SHTN1: variants seen among roughly 807,000 people sequenced by gnomAD.
SHTN1 encodes shootin-1.
Under a neutral mutation model 83.1 loss-of-function variants are expected in SHTN1, and 42 were observed. The observed-to-expected ratio is 0.51, with a 90% CI of 0.39 to 0.65. The LOEUF is 0.65. Among genes scored for constraint, SHTN1 ranks in the 30% least tolerant of loss-of-function variants. The probability of loss-of-function intolerance (pLI) is 0.00; values close to 1 mark genes in which losing one functional copy is unlikely to be tolerated. For synonymous variants in SHTN1, 224 were observed against 247.7 expected (o/e 0.90, Z 0.90); for missense variants, 622 against 737.8 (o/e 0.84, Z 1.82).
At chr10:116,893,229 G>A (rs895596941) in intron 16 of SHTN1, among the ~76,000 whole-genome samples, 4 of 152,066 alleles carry the variant, frequency 2.6e-5, no homozygotes, top group South Asian at 2.1e-4. Context: ...CCTTGGCAGC[G>A]GGGGAAGGAA....
At chr10:117,124,810 A>G (rs1264928021) in intron 1 of SHTN1, among the ~76,000 whole-genome samples, 2 of 152,262 alleles carry the variant, frequency 1.3e-5, no homozygotes, top group African/African-American at 4.8e-5. Flanking sequence ...AATTCTATTT[A>G]CAGATGAGGA....
chr10:117,066,821 T>C (rs1824245254), intron 1 of SHTN1, among the ~76,000 whole-genome samples: 1 of 152,204 alleles, frequency 6.6e-6, no homozygotes, highest in African/African-American at 2.4e-5. Context: ...TCTGGTACTA[T>C]TCTTAATGCT....
chr10:117,112,476 A>G (rs1853781908), intron 1 of SHTN1, among the ~76,000 whole-genome samples: 1 of 152,238 alleles, frequency 6.6e-6, no homozygotes, highest in South Asian at 2.1e-4. Context: ...GAATGTTATT[A>G]AGACCTTACA....
At chr10:116,953,616 GTGTTT>G (rs1171424341) in intron 5 of SHTN1, among the ~76,000 whole-genome samples, 2 of 118,780 alleles carry the variant, frequency 1.7e-5, no homozygotes, top group African/African-American at 5.7e-5. Context: ...CATCAGTTTT[GTGTTT>G]TGTTTTTTTT....
At chr10:117,051,999 C>CATATATATATATATATATATATATATA (rs71013635) in intron 1 of SHTN1, among the ~76,000 whole-genome samples, 2 of 34,116 alleles carry the variant, frequency 5.9e-5, no homozygotes, top group African/African-American at 1.7e-4. Context: ...ATGACATAAT[C>CATATATATATATATATATATATATATA]ATATATATAT....
chr10:116,887,762 C>A (rs1272941455), intron 16 of SHTN1, among the ~76,000 whole-genome samples: 1 of 152,154 alleles, frequency 6.6e-6, no homozygotes, highest in Non-Finnish European at 1.5e-5. Flanking sequence ...ATTCTATCCC[C>A]AGCACCTAGC....
chr10:117,047,753 A>C, intron 2 of SHTN1, among the ~76,000 whole-genome samples: 1 of 87,428 alleles, frequency 1.1e-5, no homozygotes, highest in Admixed American at 1.2e-4. Flanking sequence ...CAAATACATA[A>C]AGACCAAAAA....
At position 116,946,689 on chromosome 10, in the gene SHTN1, AAT is replaced by A. The variant is rs551072865; in HGVS notation, c.617-1673_617-1672del. Among the ~76,000 whole-genome samples, 158 of 144,452 alleles carry A rather than the reference AAT, an allele frequency of 1.1e-3. 3 individuals are homozygous for A. In the South Asian group the frequency reaches 0.022, roughly 20 times the overall value. 94.8% of individuals were successfully genotyped at this position (144,452 alleles called of 152,430 possible). The stretch of plus-strand genomic sequence containing the variant: ...AATATATAAAATGATTTATATATAT[AAT>A]ATATATATATGTTTTATTTATTTAT... On this transcript the variant is annotated intron_variant, in intron 7 of 16. Coordinates refer to ENST00000355371, the MANE Select transcript of SHTN1 (RefSeq NM_001127211.3).
chr10:117,029,890 CTTTCTT>C (rs1852385015), intron 2 of SHTN1, among the ~76,000 whole-genome samples: 1 of 69,176 alleles, frequency 1.4e-5, no homozygotes, highest in Admixed American at 2.8e-4. Flanking sequence ...GTCTCTCTCT[CTTTCTT>C]TTTTTTTTTT....
intron 2 of SHTN1, among the ~76,000 whole-genome samples, chr10:117,030,067 TTAG>T (rs929804829): frequency 2.8e-4 from 42 of 152,234 alleles, no homozygotes; most frequent in African/African-American, 9.4e-4. Flanking sequence ...TTTTGTATTT[TTAG>T]TAGAGACGGG....
At chr10:116,910,500 C>G (rs1367488423) in intron 14 of SHTN1, among the ~76,000 whole-genome samples, 1 of 152,136 alleles carries the variant, frequency 6.6e-6, no homozygotes, top group Non-Finnish European at 1.5e-5. Flanking sequence ...AAACTTGCTA[C>G]CATGCAGCAT....
At chr10:116,955,120 AG>A (rs1259265189) in intron 4 of SHTN1, among the ~76,000 whole-genome samples, 1 of 150,680 alleles carries the variant, frequency 6.6e-6, no homozygotes, top group East Asian at 1.9e-4. Flanking sequence ...AAAAAAAAAA[AG>A]GAATCCTACT....
At chr10:117,003,933 T>C (rs1300422297) in intron 1 of SHTN1, among the ~76,000 whole-genome samples, 2 of 152,178 alleles carry the variant, frequency 1.3e-5, no homozygotes, top group Admixed American at 1.3e-4. Context: ...TCGTTCTTGT[T>C]GCCCAGGCTG....
rs1847164332 is a variant in SHTN1, at chr10:116,886,385, T to C, written c.1855A>G (p.Ser619Gly). ...GEIQPENKEDSIENVRETDSS... is the reference protein window; with the variant it reads ...GEIQPENKEDGIENVRETDSS... ...TCTGTCTCTCTCACGTTTTCAATGCTGTCTTCTTTGTTTTCTGGTTGAATT... is the reference window on the plus strand; with the variant it reads ...TCTGTCTCTCTCACGTTTTCAATGCCGTCTTCTTTGTTTTCTGGTTGAATT... The change falls in exon 17 of 17, where the codon AGC (serine) becomes GGC (glycine). Residue 619 changes from serine (S) to glycine (G), a missense_variant. Physicochemically the swap from Ser to Gly is moderately conservative, Grantham distance 56. Transcript: ENST00000355371. 7 of 1,565,892 alleles carry C rather than the reference T, an allele frequency of 4.5e-6. No homozygotes were observed. The highest frequency in any genetic ancestry group is 6.1e-6 in the Non-Finnish European group (7 of 1,153,474).
At chr10:116,966,804 T>A (rs1361062825) in intron 3 of SHTN1, among the ~76,000 whole-genome samples, 1 of 152,182 alleles carries the variant, frequency 6.6e-6, no homozygotes, top group South Asian at 2.1e-4. Context: ...CCATTATCAA[T>A]AATTCAAGCA....
At chr10:116,996,225 G>C (rs1486992806) in intron 1 of SHTN1, among the ~76,000 whole-genome samples, 1 of 151,948 alleles carries the variant, frequency 6.6e-6, no homozygotes, top group African/African-American at 2.4e-5. Flanking sequence ...CTAGATTCTA[G>C]CCCTGTTCAT....
intron 1 of SHTN1, among the ~76,000 whole-genome samples, chr10:117,104,609 C>A (rs1164000246): frequency 6.6e-6 from 1 of 152,074 alleles, no homozygotes; most frequent in Non-Finnish European, 1.5e-5. Flanking sequence ...CCCATCTCTA[C>A]TAAAAGTACA....
At chr10:116,932,043 T>C (rs771794780) in intron 9 of SHTN1, among the ~76,000 whole-genome samples, 3 of 152,214 alleles carry the variant, frequency 2.0e-5, no homozygotes, top group Non-Finnish European at 4.4e-5. Flanking sequence ...GAAAGCGACA[T>C]GCATTCAATA....
At chr10:117,084,010 G>A (rs1355377250) in intron 1 of SHTN1, among the ~76,000 whole-genome samples, 1 of 151,990 alleles carries the variant, frequency 6.6e-6, no homozygotes, top group Admixed American at 6.6e-5. Flanking sequence ...ATAGCTCAGA[G>A]TAATTTGATC....
Sources: gnomAD v4.1 joint callset for allele counts (sites outside exome capture counted in the v4.1 genomes callset) on GRCh38, gnomAD v4.1.1 for gene constraint, MANE v1.5 for transcripts, NCBI Gene and HGNC (gene_info 2026-07-23, HGNC 2026-07-21) for gene names.